The following EXOSC3 variants were observed in gnomAD, a reference collection of about 807,000 sequenced individuals.
EXOSC3 encodes exosome complex component RRP40.
In EXOSC3, 18 loss-of-function variants were observed where a neutral mutation model predicts 25.1. The observed-to-expected ratio is 0.72, with a 90% confidence interval of 0.50 to 1.06. The LOEUF is 1.06. Ranked by LOEUF, EXOSC3 falls within the 50% of genes least tolerant of loss-of-function variation. The pLI, the probability that EXOSC3 is intolerant of heterozygous loss-of-function variation, is 0.00. For missense variants in EXOSC3, 382 were observed against 350.9 expected (o/e 1.09, Z -0.71); for synonymous variants, 165 against 132.2 (o/e 1.25, Z -1.70).
chr9:37,782,941 G>A (rs981868568), intron 2 of EXOSC3, among the ~76,000 whole-genome samples: 3 of 152,170 alleles, frequency 2.0e-5, no homozygotes, highest in Non-Finnish European at 2.9e-5. Flanking sequence ...ACTAGAGATG[G>A]CTTTACAGAG....
intron 1 of EXOSC3, 141 bp from the exon 2 acceptor site, chr9:37,784,204 C>T (rs1443564595): frequency 1.1e-6 from 1 of 918,628 alleles, no homozygotes; most frequent in Non-Finnish European, 1.6e-6. Flanking sequence ...AAGAAAATCA[C>T]TTCATAAAGT....
In EXOSC3 at chr9:37,784,124, C is replaced by T; in HGVS notation, c.325-61G>A. On this transcript the variant is annotated intron_variant, in intron 1 of 3. Coordinates refer to ENST00000327304, the MANE Select transcript of EXOSC3 (RefSeq NM_016042.4). ...ATGACAAGATACCATTGGAAGATACCTTCAGCAAGTCCTTTGTGGTTACTT... is the reference window on the plus strand; with the variant it reads ...ATGACAAGATACCATTGGAAGATACTTTCAGCAAGTCCTTTGTGGTTACTT... The T allele has an allele frequency of 2.6e-6, 4 of 1,531,402 alleles. No homozygotes were observed. The Middle Eastern group carries it at 5.2e-4, about 198-fold the overall frequency. 94.9% of individuals were successfully genotyped at this position (1,531,402 alleles called of 1,614,324 possible).
Position 37,782,445 on chromosome 9 carries a change from G to A in EXOSC3, c.475-308C>T, listed in dbSNP as rs1055815417. Among the ~76,000 whole-genome samples, 8 of 152,276 alleles carry A rather than the reference G, an allele frequency of 5.3e-5. No homozygotes were observed. The South Asian group carries it at 1.2e-3, about 24-fold the overall frequency. ...AAACTTACATTTAAATTAAAATTAG[G>A]TATTTAAAATTAATTTCCTGAGTTG... On this transcript the variant is annotated intron_variant, in intron 2 of 3. Coordinates refer to ENST00000327304, the MANE Select transcript of EXOSC3 (RefSeq NM_016042.4).
At chr9:37,783,729 AAT>A (rs2118979822) in intron 2 of EXOSC3, 183 bp downstream of exon 2, 1 of 432,450 alleles carries the variant, frequency 2.3e-6, no homozygotes, top group Non-Finnish European at 4.0e-6. Context: ...TGTAAAAAAT[AAT>A]AATAATAATT....
chr9:37,784,745 G>C lies in EXOSC3; in HGVS notation c.300C>G (p.Tyr100Ter). Residue 100 changes from tyrosine (Y) to a stop codon, truncating the protein, a stop_gained, in exon 1 of 4, where the codon TAC (tyrosine) becomes TAG (stop). Coordinates refer to ENST00000327304, the MANE Select transcript of EXOSC3 (RefSeq NM_016042.4). LOFTEE classifies it high-confidence loss of function. ...CCCGCTTCTGCTGAGAGTCCACCCAGTAAACACCGCCGCCGCTGCCACTGC... is the reference window on the plus strand; with the variant it reads ...CCCGCTTCTGCTGAGAGTCCACCCACTAAACACCGCCGCCGCTGCCACTGC... ...EPGSGSGGGV[Y>*]WVDSQQKRYV... is the part of the protein sequence containing the mutation. 6.2e-7 allele frequency: 1 copy of C among 1,600,784 alleles called. No individual in the cohort carries two copies. Among genetic ancestry groups the C allele is most frequent in the Non-Finnish European group, 8.5e-7 (1 of 1,177,558 alleles).
chr9:37,784,843 C>G lies in EXOSC3; in HGVS notation c.202G>C (p.Gly68Arg), dbSNP rs745785017. The change falls in exon 1 of 4, where the codon GGT becomes CGT. Residue 68 changes from glycine (G) to arginine (R), a missense_variant. Physicochemically the swap from Gly to Arg is moderately radical, Grantham distance 125 (BLOSUM62 -2). Transcript: ENST00000327304. ...RACSRVRVVC[G>R]PGLRRCGDRL... ...TCCCCACAGCGCCGAAGGCCCGGAC[C>G]GCATACAACGCGCACCCGCGAGCAC... is the stretch of plus-strand genomic sequence containing the variant. The G allele has an allele frequency of 1.9e-6, 3 of 1,608,172 alleles. No individual in the cohort carries two copies. Among genetic ancestry groups the G allele is most frequent in the Non-Finnish European group, 2.5e-6 (3 of 1,177,640 alleles).
chr9:37,783,261 T>C (rs1369076593), intron 2 of EXOSC3, among the ~76,000 whole-genome samples: 2 of 152,088 alleles, frequency 1.3e-5, no homozygotes, highest in Non-Finnish European at 2.9e-5. Context: ...CAGGGATTAA[T>C]GAAGAAGTGA....
intron 1 of EXOSC3, 74 bp from the exon 2 acceptor site, chr9:37,784,137 T>A: frequency 6.8e-7 from 1 of 1,474,514 alleles, no homozygotes; most frequent in Non-Finnish European, 9.1e-7. Context: ...CAGCAAGTCC[T>A]TTGTGGTTAC....
In EXOSC3 at chr9:37,785,011, G is replaced by C. The variant is rs1056166517; in HGVS notation, c.34C>G (p.Leu12Val). ...AEPASVAAES[L>V]AGSRARAART... ...GCAGCGCGCGCCCTGCTGCCCGCGA[G>C]AGATTCAGCCGCGACAGACGCAGGT... Residue 12 changes from leucine to valine, a missense_variant, in exon 1 of 4, where the codon CTC becomes GTC. Physicochemically the swap from Leu to Val is conservative, Grantham distance 32. Transcript: ENST00000327304. 1.6e-5 allele frequency: 25 copies of C among 1,603,960 alleles called. No homozygotes were observed. Among genetic ancestry groups the C allele is most frequent in the Non-Finnish European group, 1.7e-5 (20 of 1,173,894 alleles).
chr9:37,784,215 G>T, intron 1 of EXOSC3, 152 bp from the exon 2 acceptor site: 1 of 826,034 alleles, frequency 1.2e-6, no homozygotes, highest in Non-Finnish European at 1.8e-6. Context: ...TTCATAAAGT[G>T]CCGGGTGTGC....
rs753499063 is a variant in EXOSC3 at position 37,780,648 on chromosome 9, C to T, written c.*31G>A. ...CCTGAAAAAACCCATAGTTTTTTGC[C>T]TCAACTGACCTGTAAAAAAGTCCAC... On this transcript the variant is annotated 3_prime_UTR_variant, in exon 4 of 4. Coordinates refer to ENST00000327304, the MANE Select transcript of EXOSC3 (RefSeq NM_016042.4). The T allele has an allele frequency of 1.3e-6, 2 of 1,595,224 alleles. No individual in the cohort carries two copies. The highest frequency in any genetic ancestry group is 1.7e-6 in the Non-Finnish European group (2 of 1,168,662).
At chr9:37,781,460 T>G (rs1828594357) in intron 3 of EXOSC3, among the ~76,000 whole-genome samples, 1 of 150,334 alleles carries the variant, frequency 6.7e-6, no homozygotes, top group South Asian at 2.1e-4. Flanking sequence ...CAGCTTTGGG[T>G]GGGTAAAGTT....
Position 37,785,032 on chromosome 9 carries a change from C to T in EXOSC3, c.13G>A (p.Ala5Thr), listed in dbSNP as rs549030188. The change falls in exon 1 of 4, where the codon GCG becomes ACG. Residue 5 changes from alanine (A) to threonine (T), a missense_variant. Physicochemically the swap from Ala to Thr is moderately conservative, Grantham distance 58. Coordinates refer to ENST00000327304, the MANE Select transcript of EXOSC3 (RefSeq NM_016042.4). ...GCGAGAGATTCAGCCGCGACAGACG[C>T]AGGTTCGGCCATCGCGGGCTCCACC... is the stretch of plus-strand genomic sequence containing the variant. MAEP[A>T]SVAAESLAGS... is the part of the protein sequence containing the mutation. 6.3e-6 allele frequency: 10 copies of T among 1,597,794 alleles called. No individual in the cohort carries two copies. In the East Asian group the frequency reaches 2.0e-4, roughly 32 times the overall value.
Position 37,782,022 on chromosome 9 carries a change from C to T in EXOSC3, c.590G>A (p.Gly197Asp), listed in dbSNP as rs940040665. 6 of 1,613,890 alleles carry T rather than the reference C, an allele frequency of 3.7e-6. No homozygotes were observed. The highest frequency in any genetic ancestry group is 1.3e-5 in the African/African-American group (1 of 74,940). Residue 197 changes from glycine (G) to aspartate (D), a missense_variant, in exon 3 of 4, where the codon GGT becomes GAT. Gly to Asp is a moderately conservative substitution (Grantham distance 94, BLOSUM62 -1). Coordinates refer to ENST00000327304, the MANE Select transcript of EXOSC3 (RefSeq NM_016042.4). ...GCCCAGAGTCACTTTAAAAAGCAGA[C>T]CATCCTGTCCAATGACACCCATTCC... ...ANGMGVIGQD[G>D]LLFKVTLGLI...
rs1471728821 is a variant in EXOSC3, at chr9:37,784,815, C to A, written c.230G>T (p.Arg77Leu). 1.9e-6 allele frequency: 3 copies of A among 1,608,124 alleles called. No individual in the cohort carries two copies. The African/African-American group carries it at 4.0e-5, about 21-fold the overall frequency. ...CGPGLRRCGD[R>L]LLVTKCGRLR... ...GCGGCCGCACTTGGTGACCAGCAGGCGGTCCCCACAGCGCCGAAGGCCCGG... is the reference window on the plus strand; with the variant it reads ...GCGGCCGCACTTGGTGACCAGCAGGAGGTCCCCACAGCGCCGAAGGCCCGG... Residue 77 changes from arginine (R) to leucine (L), a missense_variant, in exon 1 of 4, where the codon CGC becomes CTC. Coordinates refer to ENST00000327304, the MANE Select transcript of EXOSC3 (RefSeq NM_016042.4).
Position 37,780,800 on chromosome 9 carries a change from C to T in EXOSC3, c.707G>A (p.Arg236Lys). Residue 236 changes from arginine to lysine, a missense_variant, in exon 4 of 4, where the codon AGA becomes AAA. Physicochemically the swap from Arg to Lys is conservative, Grantham distance 26. Coordinates refer to ENST00000327304, the MANE Select transcript of EXOSC3 (RefSeq NM_016042.4). ...GATGGTTTTTGCCTTAACCCATATTCTTCCATTCATTCCAAATACTATCTC... is the reference window on the plus strand; with the variant it reads ...GATGGTTTTTGCCTTAACCCATATTTTTCCATTCATTCCAAATACTATCTC... ...PLEIVFGMNG[R>K]IWVKAKTIQQ... 1 of 1,613,948 alleles carries T rather than the reference C, an allele frequency of 6.2e-7. No homozygotes were observed. Among genetic ancestry groups the T allele is most frequent in the Non-Finnish European group, 8.5e-7 (1 of 1,179,930 alleles).
chr9:37,784,665 T>C lies in EXOSC3; in HGVS notation c.324+56A>G, dbSNP rs1828666789. 3 of 1,505,116 alleles carry C rather than the reference T, an allele frequency of 2.0e-6. No individual in the cohort carries two copies. The East Asian group carries it at 7.1e-5, about 35-fold the overall frequency. 93.2% of individuals were successfully genotyped at this position (1,505,116 alleles called of 1,614,324 possible). On this transcript the variant is annotated intron_variant, in intron 1 of 3. Transcript: ENST00000327304. ...CCCTCTCTTCTTTTGGGAGGTCTTCTCAAAGCAGGGCTACCACTCTCACTG... is the reference window on the plus strand; with the variant it reads ...CCCTCTCTTCTTTTGGGAGGTCTTCCCAAAGCAGGGCTACCACTCTCACTG...
chr9:37,783,572 C>T lies in EXOSC3; in HGVS notation c.474+342G>A, dbSNP rs188279249. ...TAGCTGATAATGTCAATTTGCACCA[C>T]CTGTCCCTCCTCTAAGCCTACAGCA... On this transcript the variant is annotated intron_variant, in intron 2 of 3. Coordinates refer to ENST00000327304, the MANE Select transcript of EXOSC3 (RefSeq NM_016042.4). 4.1e-3 allele frequency among the ~76,000 whole-genome samples: 623 copies of T among 152,288 alleles called. 4 individuals are homozygous for T. Among genetic ancestry groups the T allele is most frequent in the Non-Finnish European group, 6.4e-3 (435 of 68,014 alleles).
chr9:37,784,943 C>G lies in EXOSC3; in HGVS notation c.102G>C (p.Leu34=). The G allele has an allele frequency of 6.2e-7, 1 of 1,612,072 alleles. No homozygotes were observed. The highest frequency in any genetic ancestry group is 8.5e-7 in the Non-Finnish European group (1 of 1,179,372). ...LGQVVLPGEE[L]LLPEQEDAEG... is the part of the protein sequence containing the mutation. ...CCGCGTCCTCCTGTTCCGGCAGGAGCAGCTCCTCACCCGGGAGCACCACCT... is the reference window on the plus strand; with the variant it reads ...CCGCGTCCTCCTGTTCCGGCAGGAGGAGCTCCTCACCCGGGAGCACCACCT... The change falls in exon 1 of 4, where the codon CTG becomes CTC. Residue 34 remains leucine, a synonymous_variant. Coordinates refer to ENST00000327304, the MANE Select transcript of EXOSC3 (RefSeq NM_016042.4).
Sources: allele counts gnomAD v4.1 joint callset (sites outside exome capture counted in the v4.1 genomes callset), GRCh38; gene constraint gnomAD v4.1.1; transcripts MANE v1.5; gene names NCBI Gene and HGNC (gene_info 2026-07-23, HGNC 2026-07-21).